The following COBLL1 variants were observed in gnomAD, a reference collection of about 807,000 sequenced individuals.
COBLL1 encodes the protein cordon-bleu WH2 repeat protein like 1.
In COBLL1, 50 loss-of-function variants were observed where a neutral mutation model predicts 94.8. The observed-to-expected ratio is 0.53, with a 90% CI of 0.42 to 0.67. COBLL1 has a LOEUF of 0.67. Among genes scored for constraint, COBLL1 ranks in the 30% least tolerant of loss-of-function variants. The pLI is 0.00. For missense variants in COBLL1, 1,362 were observed against 1,348.7 expected (o/e 1.01, Z -0.15); for synonymous variants, 448 against 473.8 (o/e 0.95, Z 0.71).
chr2:164,715,561 T>C (rs1685120403), intron 7 of COBLL1, among the ~76,000 whole-genome samples: 2 of 152,110 alleles, frequency 1.3e-5, no homozygotes, highest in Non-Finnish European at 2.9e-5. Flanking sequence ...GCAAAATATG[T>C]ACCTGTACAT....
chr2:164,700,776 T>G lies in COBLL1; in HGVS notation c.1226-20A>C. ...TTCCAGCTACAAAGAAATGCAGATA[T>G]AATCCTAAATATTAATTTGCCTCAT... On this transcript the variant is annotated intron_variant, in intron 9 of 13. Coordinates refer to ENST00000652658, the MANE Select transcript of COBLL1 (RefSeq NM_001365672.2). 7.1e-7 allele frequency: 1 copy of G among 1,400,922 alleles called. No individual in the cohort carries two copies. The highest frequency in any genetic ancestry group is 1.0e-6 in the Non-Finnish European group (1 of 1,001,114). 86.8% of individuals were successfully genotyped at this position (1,400,922 alleles called of 1,614,324 possible).
downstream of COBLL1, among the ~76,000 whole-genome samples, chr2:164,675,253 G>A (rs530384047): frequency 9.9e-5 from 15 of 152,188 alleles, no homozygotes; most frequent in Admixed American, 9.2e-4. Context: ...CAAATACACC[G>A]TTGTCTCATA....
At chr2:164,731,877 G>A (rs966225582) in intron 3 of COBLL1, among the ~76,000 whole-genome samples, 5 of 152,166 alleles carry the variant, frequency 3.3e-5, no homozygotes, top group African/African-American at 1.2e-4. Context: ...TAAGCTCCCA[G>A]GCCTGCAGCC....
Position 164,692,413 on chromosome 2 carries a change from T to C in COBLL1, c.3124-16A>G, listed in dbSNP as rs75389441. On this transcript the variant is annotated splice_polypyrimidine_tract_variant and intron_variant, in intron 12 of 13. Transcript: ENST00000652658. ...AGTTATTTTCCTACAAAAATAAATG[T>C]GAAATATTTATATGAATGCCAAGAA... The C allele has an allele frequency of 2.6e-3, 4,101 of 1,580,824 alleles. 89 individuals carry two copies. In the African/African-American group the frequency reaches 0.051, roughly 19 times the overall value.
At chr2:164,709,317 C>T (rs1684763807) in intron 7 of COBLL1, among the ~76,000 whole-genome samples, 1 of 152,124 alleles carries the variant, frequency 6.6e-6, no homozygotes, top group African/African-American at 2.4e-5. Context: ...ATTTATTTTA[C>T]AACCCTATTC....
At chr2:164,775,955 G>A (rs566895179) in intron 2 of COBLL1, among the ~76,000 whole-genome samples, 4 of 151,916 alleles carry the variant, frequency 2.6e-5, no homozygotes, top group African/African-American at 7.3e-5. Context: ...TAGTTTCCCT[G>A]CCTCAATAAC....
chr2:164,815,758 A>C (rs1432288139), intron 2 of COBLL1, among the ~76,000 whole-genome samples: 1 of 152,088 alleles, frequency 6.6e-6, no homozygotes, highest in Non-Finnish European at 1.5e-5. Flanking sequence ...GTTCCTCCCC[A>C]AACCATATTA....
At chr2:164,798,510 T>C (rs940209517) in intron 2 of COBLL1, among the ~76,000 whole-genome samples, 1 of 152,180 alleles carries the variant, frequency 6.6e-6, no homozygotes, top group Non-Finnish European at 1.5e-5. Flanking sequence ...CCCTAATCAA[T>C]ACTTAAATGA....
At chr2:164,773,680 A>T (rs1008896222) in intron 2 of COBLL1, 8 of 993,332 alleles carry the variant, frequency 8.1e-6, no homozygotes, top group Non-Finnish European at 9.7e-6. Flanking sequence ...AATTATTTTA[A>T]AAGTTTTACA....
chr2:164,688,240 T>C (rs973125609), intron 13 of COBLL1, among the ~76,000 whole-genome samples: 27 of 152,288 alleles, frequency 1.8e-4, no homozygotes, highest in African/African-American at 6.3e-4. Flanking sequence ...TCTGCTTTAT[T>C]ATTTAAAAAC....
In COBLL1 at chr2:164,694,882, G is replaced by A. The variant is rs747863156; in HGVS notation, c.2510C>T (p.Pro837Leu). ...PKMTRDTGTA[P>L]FAPNLEEINN... ...TATTTCTTCCAAATTTGGTGCAAAA[G>A]GAGCTGTGCCAGTGTCTCTTGTCAT... The change falls in exon 12 of 14, where the codon CCT becomes CTT. Residue 837 changes from proline (P) to leucine (L), a missense_variant. Physicochemically the swap from Pro to Leu is moderately conservative, Grantham distance 98. Transcript: ENST00000652658. The A allele has an allele frequency of 1.9e-6, 3 of 1,613,860 alleles. No individual in the cohort carries two copies. The African/African-American group carries it at 4.0e-5, about 22-fold the overall frequency.
At chr2:164,768,416 A>ATT (rs374475798) in intron 2 of COBLL1, among the ~76,000 whole-genome samples, 20 of 148,498 alleles carry the variant, frequency 1.3e-4, no homozygotes, top group African/African-American at 3.4e-4. Flanking sequence ...ACATTATGAG[A>ATT]TTTTTTTTTT....
chr2:164,769,070 A>G (rs1688073871), intron 2 of COBLL1, among the ~76,000 whole-genome samples: 1 of 152,186 alleles, frequency 6.6e-6, no homozygotes, highest in African/African-American at 2.4e-5. Context: ...TATTTATTGG[A>G]ACAAAGAAGA....
chr2:164,718,977 T>C (rs1370179016), intron 7 of COBLL1, among the ~76,000 whole-genome samples: 1 of 151,928 alleles, frequency 6.6e-6, no homozygotes, highest in Non-Finnish European at 1.5e-5. Flanking sequence ...GGATCTTGGA[T>C]GCCCAGAAAA....
At chr2:164,827,193 C>T (rs1362432926) in intron 2 of COBLL1, among the ~76,000 whole-genome samples, 1 of 152,158 alleles carries the variant, frequency 6.6e-6, no homozygotes, top group Non-Finnish European at 1.5e-5. Context: ...AAGTGATCCA[C>T]CCACCTCGGC....
At chr2:164,754,809 A>C (rs1038321190) in intron 2 of COBLL1, among the ~76,000 whole-genome samples, 1 of 152,198 alleles carries the variant, frequency 6.6e-6, no homozygotes, top group Non-Finnish European at 1.5e-5. Flanking sequence ...CCTTTTGTTC[A>C]ATAATTAGCT....
Position 164,722,161 on chromosome 2 carries a change from G to T in COBLL1, c.910C>A (p.Gln304Lys). The change falls in exon 7 of 14, where the codon CAG (glutamine) becomes AAG (lysine). Residue 304 changes from glutamine (Q) to lysine (K), a missense_variant. Coordinates refer to ENST00000652658, the MANE Select transcript of COBLL1 (RefSeq NM_001365672.2). ...TGTGCAAGGTCTTGGGGGACACTCT[G>T]AGATGCTGGCATCGGGGGCAGTGGA... Reference protein sequence around the residue: ...RAPLPPMPASQSVPQDLAHIQ... With the variant: ...RAPLPPMPASKSVPQDLAHIQ... The T allele has an allele frequency of 1.9e-6, 3 of 1,614,126 alleles. No individual in the cohort carries two copies. In the South Asian group the frequency reaches 3.3e-5, roughly 18 times the overall value.
At chr2:164,687,428 G>A in intron 13 of COBLL1, 2 of 1,038,194 alleles carry the variant, frequency 1.9e-6, no homozygotes, top group Non-Finnish European at 3.0e-6. Context: ...TTTGAGAAGT[G>A]GATCGTCTGG....
intron 2 of COBLL1, among the ~76,000 whole-genome samples, chr2:164,755,070 C>A (rs564688667): frequency 6.6e-6 from 1 of 152,108 alleles, no homozygotes; most frequent in Non-Finnish European, 1.5e-5. Context: ...TAGGCTGAGC[C>A]GGGAGGATCA....
Sources: allele counts gnomAD v4.1 joint callset (sites outside exome capture counted in the v4.1 genomes callset), GRCh38; gene constraint gnomAD v4.1.1; transcripts MANE v1.5; gene names NCBI Gene and HGNC (gene_info 2026-07-23, HGNC 2026-07-21).